ADH7: variants seen among roughly 807,000 people sequenced by gnomAD.
ADH7 encodes the protein all-trans-retinol dehydrogenase [NAD(+)] ADH7.
A neutral mutation model predicts 34.4 loss-of-function variants in ADH7; 41 were observed. The observed-to-expected ratio is 1.19, with a 90% CI of 0.93 to 1.55. ADH7 has a LOEUF of 1.55. Among genes scored for constraint, ADH7 ranks in the 40% most tolerant of loss-of-function variants. The probability of loss-of-function intolerance (pLI) is 0.00; values close to 1 mark genes in which losing one functional copy is unlikely to be tolerated. For missense variants in ADH7, 540 were observed against 461.2 expected (o/e 1.17, Z -1.56); for synonymous variants, 180 against 160.9 (o/e 1.12, Z -0.90).
intron 7 of ADH7, among the ~76,000 whole-genome samples, chr4:99,417,457 G>T (rs955047417): frequency 6.6e-6 from 1 of 152,056 alleles, no homozygotes; most frequent in African/African-American, 2.4e-5. Context: ...TTGCTCCAAT[G>T]TTACCTTATC....
Position 99,420,661 on chromosome 4 carries a change from TG to T in ADH7, c.696del (p.Met233TrpfsTer3). On this transcript the variant is annotated frameshift_variant, in exon 6 of 9. Transcript: ENST00000437033. LOFTEE classifies it high-confidence loss of function. ...IDLNKDKFEK[A>X]MAVGATECIS... is the part of the protein sequence containing the mutation. ...ATACACTCAGTGGCACCTACAGCCA[TG>T]GCCTTCTCAAATTTGTCTTTGTTGA... 1.2e-6 allele frequency: 2 copies of T among 1,613,958 alleles called. No homozygotes were observed. The highest frequency in any genetic ancestry group is 1.7e-6 in the Non-Finnish European group (2 of 1,179,936).
At chr4:99,422,025 G>T (rs1721677818) in intron 5 of ADH7, among the ~76,000 whole-genome samples, 2 of 152,204 alleles carry the variant, frequency 1.3e-5, no homozygotes, top group Non-Finnish European at 2.9e-5. Context: ...ATGCTATGGA[G>T]AAATAAGAAC....
At chr4:99,428,688 G>T in intron 2 of ADH7, 58 bp from the exon 3 acceptor site, 1 of 1,550,856 alleles carries the variant, frequency 6.4e-7, no homozygotes, top group Non-Finnish European at 8.7e-7. Context: ...TCACTGTTGG[G>T]AGAATATTTA....
intron 6 of ADH7, among the ~76,000 whole-genome samples, chr4:99,420,089 T>G (rs1047552290): frequency 6.6e-6 from 1 of 152,100 alleles, no homozygotes; most frequent in Non-Finnish European, 1.5e-5. Context: ...AAAGCTCAGA[T>G]GTAAAGAGTG....
In ADH7 at chr4:99,427,859, T is replaced by C; in HGVS notation, c.478A>G (p.Ile160Val). The C allele has an allele frequency of 6.2e-7, 1 of 1,613,486 alleles. No homozygotes were observed. The highest frequency in any genetic ancestry group is 8.5e-7 in the Non-Finnish European group (1 of 1,179,706). The part of the protein sequence containing the change: ...TVVDESSVAK[I>V]DDAAPPEKVC... ...TTCTCAGGAGGAGCTGCATCATCAA[T>C]CTTAGCAACAGAAGATTCATCCACC... Residue 160 changes from isoleucine (I) to valine (V), a missense_variant, in exon 5 of 9, where the codon ATT becomes GTT. Ile to Val is a conservative substitution (Grantham distance 29). Transcript: ENST00000437033.
intron 8 of ADH7, among the ~76,000 whole-genome samples, 163 bp from the exon 9 acceptor site, chr4:99,413,335 G>C (rs1050174783): frequency 2.6e-5 from 4 of 152,088 alleles, no homozygotes; most frequent in African/African-American, 9.7e-5. Context: ...TCTTTGTTAC[G>C]CAACTCTGAT....
intron 5 of ADH7, among the ~76,000 whole-genome samples, chr4:99,423,146 T>C (rs62305847): frequency 2.7e-5 from 4 of 150,386 alleles, no homozygotes; most frequent in Non-Finnish European, 5.9e-5. Context: ...TTTGTCCTTG[T>C]GATAGTTTGC....
Position 99,434,924 on chromosome 4 carries a change from C to T in ADH7, c.18+292G>A, listed in dbSNP as rs953842593. The T allele has an allele frequency of 1.0e-5, 11 of 1,055,750 alleles. No homozygotes were observed. In the African/African-American group the frequency reaches 1.6e-4, roughly 15 times the overall value. The allele number at this position is 1,055,750 out of a possible 1,614,324, so 65.4% of individuals were successfully genotyped here. ...AACATTTGGCTTCCTGGAGCAATTG[C>T]CCAGCTATCCGGAAATCAAATTATG... On this transcript the variant is annotated intron_variant, in intron 1 of 8. Coordinates refer to ENST00000437033, the MANE Select transcript of ADH7 (RefSeq NM_000673.7).
chr4:99,422,607 T>A (rs1721692857), intron 5 of ADH7, among the ~76,000 whole-genome samples: 1 of 152,126 alleles, frequency 6.6e-6, no homozygotes, highest in African/African-American at 2.4e-5. Context: ...GCTCTGCACA[T>A]ATATCCCATT....
rs752349086 is a variant in ADH7, at chr4:99,427,959, G to A, written c.378C>T (p.Gly126=). The change falls in exon 5 of 9, where the codon GGC becomes GGT. Residue 126 remains glycine, a synonymous_variant. Coordinates refer to ENST00000437033, the MANE Select transcript of ADH7 (RefSeq NM_000673.7). ...DITGRGVLAD[G]TTRFTCKGKP... is the part of the protein sequence containing the mutation. ...TGCCCTTGCATGTAAATCTGGTGGT[G>A]CCATCAGCCAGTACTCCACGACCAG... is the stretch of plus-strand genomic sequence containing the variant. The A allele has an allele frequency of 1.2e-6, 2 of 1,613,942 alleles. No homozygotes were observed. Among genetic ancestry groups the A allele is most frequent in the East Asian group, 4.5e-5 (2 of 44,878 alleles).
At chr4:99,421,761 G>T (rs1239771392) in intron 5 of ADH7, among the ~76,000 whole-genome samples, 1 of 152,048 alleles carries the variant, frequency 6.6e-6, no homozygotes, top group Non-Finnish European at 1.5e-5. Context: ...ATCTGACAAA[G>T]GTCTAATATG....
chr4:99,422,878 T>TTTA (rs1211913683), intron 5 of ADH7, among the ~76,000 whole-genome samples: 4 of 149,226 alleles, frequency 2.7e-5, no homozygotes, highest in Non-Finnish European at 4.5e-5. Flanking sequence ...TATTTATTTA[T>TTTA]TTATTATTAT....
chr4:99,416,667 G>T (rs963089940), intron 7 of ADH7, among the ~76,000 whole-genome samples: 1 of 152,056 alleles, frequency 6.6e-6, no homozygotes, highest in Non-Finnish European at 1.5e-5. Flanking sequence ...CTTCTAGGGT[G>T]ACCTCCTCTG....
At chr4:99,420,072 G>A (rs1721612379) in intron 6 of ADH7, among the ~76,000 whole-genome samples, 2 of 152,094 alleles carry the variant, frequency 1.3e-5, no homozygotes, top group South Asian at 4.2e-4. Context: ...TTCAGATGAG[G>A]GCAAACAAAG....
At position 99,420,597 on chromosome 4, in the gene ADH7, A is replaced by G. The variant is rs1382423751; in HGVS notation, c.761T>C (p.Leu254Pro). The change falls in exon 6 of 9, where the codon CTG becomes CCG. Residue 254 changes from leucine (L) to proline (P), a missense_variant. Physicochemically the swap from Leu to Pro is moderately conservative, Grantham distance 98 (BLOSUM62 -3). Transcript: ENST00000437033. ...CACGTTGTTGCCTGTCATTTCTGACAGCACCTCACTGATGGGTTTGGTAGA... is the reference window on the plus strand; with the variant it reads ...CACGTTGTTGCCTGTCATTTCTGACGGCACCTCACTGATGGGTTTGGTAGA... ...KDSTKPISEV[L>P]SEMTGNNVGY... The G allele has an allele frequency of 1.2e-6, 2 of 1,613,980 alleles. No homozygotes were observed.
At chr4:99,428,953 T>C (rs761677807) in intron 2 of ADH7, among the ~76,000 whole-genome samples, 39 of 152,298 alleles carry the variant, frequency 2.6e-4, no homozygotes, top group Middle Eastern at 3.4e-3. Context: ...TAGGCCCTTA[T>C]TGGGCTCTCT....
intron 7 of ADH7, among the ~76,000 whole-genome samples, chr4:99,417,496 T>C (rs1380615908): frequency 6.6e-6 from 1 of 152,162 alleles, no homozygotes; most frequent in Non-Finnish European, 1.5e-5. Flanking sequence ...CTTTATAAAA[T>C]AGCATTCACC....
At chr4:99,431,165 C>T (rs112683373) in intron 1 of ADH7, among the ~76,000 whole-genome samples, 4 of 152,226 alleles carry the variant, frequency 2.6e-5, no homozygotes, top group African/African-American at 9.6e-5. Flanking sequence ...TCATACTGAG[C>T]ATGGAGTAAC....
At chr4:99,425,651 C>G (rs963098487) in intron 5 of ADH7, among the ~76,000 whole-genome samples, 1 of 152,002 alleles carries the variant, frequency 6.6e-6, no homozygotes. Flanking sequence ...GACAGATCAA[C>G]GAGACAGAAA....
Sources: allele counts gnomAD v4.1 joint callset (sites outside exome capture counted in the v4.1 genomes callset), GRCh38; gene constraint gnomAD v4.1.1; transcripts MANE v1.5; gene names NCBI Gene and HGNC (gene_info 2026-07-23, HGNC 2026-07-21).